The following MCC variants were observed in gnomAD, a reference collection of about 807,000 sequenced individuals.
MCC encodes colorectal mutant cancer protein.
A neutral mutation model predicts 116.2 loss-of-function variants in MCC; 90 were observed. The observed-to-expected ratio is 0.77, with a 90% confidence interval of 0.65 to 0.92. The LOEUF is 0.92. Ranked by LOEUF, MCC falls within the 40% of genes least tolerant of loss-of-function variation. The pLI is 0.00. For synonymous variants in MCC, 578 were observed against 510.5 expected (o/e 1.13, Z -1.78); for missense variants, 1,516 against 1,312.2 (o/e 1.16, Z -2.40).
At chr5:113,231,531 T>C (rs1169395911) in intron 3 of MCC, among the ~76,000 whole-genome samples, 1 of 152,182 alleles carries the variant, frequency 6.6e-6, no homozygotes, top group Non-Finnish European at 1.5e-5. Flanking sequence ...GTTTCACCCA[T>C]TAGTCATGGC....
At chr5:113,345,557 C>T (rs756539429) in intron 2 of MCC, among the ~76,000 whole-genome samples, 3 of 152,218 alleles carry the variant, frequency 2.0e-5, no homozygotes, top group Non-Finnish European at 2.9e-5. Flanking sequence ...CTATGTGTCT[C>T]AGCACAGGGA....
chr5:113,465,088 A>C (rs543947713), intron 1 of MCC, among the ~76,000 whole-genome samples: 1 of 152,008 alleles, frequency 6.6e-6, no homozygotes, highest in Non-Finnish European at 1.5e-5. Flanking sequence ...GCCTGAAAAT[A>C]GCCAAGATTT....
chr5:113,276,075 C>T (rs1765814469), intron 3 of MCC, among the ~76,000 whole-genome samples: 1 of 151,462 alleles, frequency 6.6e-6, no homozygotes, highest in East Asian at 1.9e-4. Context: ...GCCACAGTGG[C>T]CACATTGATT....
At chr5:113,451,139 G>A (rs1319159392) in intron 1 of MCC, among the ~76,000 whole-genome samples, 2 of 152,008 alleles carry the variant, frequency 1.3e-5, no homozygotes, top group Non-Finnish European at 2.9e-5. Flanking sequence ...CATAGCTGGT[G>A]GCATACCGCC....
At chr5:113,438,303 AC>A (rs1770921638) in intron 1 of MCC, among the ~76,000 whole-genome samples, 1 of 152,152 alleles carries the variant, frequency 6.6e-6, no homozygotes, top group Admixed American at 6.5e-5. Context: ...CATCTGCCGT[AC>A]GGTGAGTTGT....
chr5:113,294,117 G>A (rs551880297), intron 3 of MCC, among the ~76,000 whole-genome samples: 37 of 152,260 alleles, frequency 2.4e-4, no homozygotes, highest in African/African-American at 7.7e-4. Flanking sequence ...ACTCATTTCA[G>A]ACTGAAATAT....
chr5:113,215,589 G>A (rs950611821), intron 3 of MCC, among the ~76,000 whole-genome samples: 1 of 152,114 alleles, frequency 6.6e-6, no homozygotes, highest in Non-Finnish European at 1.5e-5. Context: ...CGGTTCGGCT[G>A]ACTTGCCCTT....
chr5:113,151,007 G>A (rs538596106), intron 4 of MCC, among the ~76,000 whole-genome samples: 112 of 152,290 alleles, frequency 7.4e-4, no homozygotes, highest in Non-Finnish European at 3.4e-4. Flanking sequence ...TCGTGCCACC[G>A]CACTCCAGCT....
intron 3 of MCC, among the ~76,000 whole-genome samples, chr5:113,332,720 G>A (rs1336866415): frequency 1.3e-5 from 2 of 151,510 alleles, no homozygotes; most frequent in Non-Finnish European, 2.9e-5. Context: ...TTCCATGCTG[G>A]GCAAAAGTAG....
At chr5:113,366,903 G>A (rs927184112) in intron 2 of MCC, among the ~76,000 whole-genome samples, 1 of 152,276 alleles carries the variant, frequency 6.6e-6, no homozygotes, top group East Asian at 1.9e-4. Flanking sequence ...CTGGGCTCAA[G>A]TGATCCTACC....
intron 3 of MCC, among the ~76,000 whole-genome samples, chr5:113,160,808 C>T (rs896538939): frequency 6.6e-6 from 1 of 152,170 alleles, no homozygotes; most frequent in African/African-American, 2.4e-5. Flanking sequence ...GTATCAGACC[C>T]AGGAAGGAAT....
At chr5:113,031,255 T>C (rs1331007346) in intron 17 of MCC, among the ~76,000 whole-genome samples, 2 of 152,174 alleles carry the variant, frequency 1.3e-5, no homozygotes, top group Non-Finnish European at 2.9e-5. Flanking sequence ...CCTACCCGCC[T>C]CTGCTAAGCT....
intron 3 of MCC, among the ~76,000 whole-genome samples, chr5:113,338,148 G>T (rs1767915421): frequency 6.6e-6 from 1 of 152,180 alleles, no homozygotes; most frequent in African/African-American, 2.4e-5. Flanking sequence ...TTTCCATTTG[G>T]TGAGGAAATA....
chr5:113,083,813 C>T (rs1755024229), intron 10 of MCC, among the ~76,000 whole-genome samples: 1 of 152,098 alleles, frequency 6.6e-6, no homozygotes, highest in Admixed American at 6.6e-5. Flanking sequence ...ACAGATACTT[C>T]AAGACTTTCA....
Position 113,340,501 on chromosome 5 carries a change from G to T in MCC, c.627+18C>A. 6.2e-7 allele frequency: 1 copy of T among 1,609,514 alleles called. No individual in the cohort carries two copies. Among genetic ancestry groups the T allele is most frequent in the Non-Finnish European group, 8.5e-7 (1 of 1,176,010 alleles). ...AGACAGGCCGAAATATGTATTCCAT[G>T]AACCAAAAAGTACTCACTGTGTTGG... On this transcript the variant is annotated intron_variant, in intron 3 of 18. Transcript: ENST00000408903.
At chr5:113,039,463 G>A (rs545782032) in intron 17 of MCC, among the ~76,000 whole-genome samples, 36 of 152,232 alleles carry the variant, frequency 2.4e-4, no homozygotes, top group Admixed American at 1.5e-3. Context: ...TTTGCCTTTC[G>A]CACTGACAGA....
At chr5:113,151,538 T>C in intron 3 of MCC, 116 bp from the exon 4 acceptor site, 1 of 635,542 alleles carries the variant, frequency 1.6e-6, no homozygotes, top group Middle Eastern at 2.9e-4. Flanking sequence ...AGCAACACTT[T>C]TGAGAATGAA....
chr5:113,301,583 G>A (rs925340432), intron 3 of MCC, among the ~76,000 whole-genome samples: 3 of 152,166 alleles, frequency 2.0e-5, no homozygotes, highest in African/African-American at 7.2e-5. Flanking sequence ...TTAAACAGGA[G>A]CTATGATAGG....
intron 2 of MCC, among the ~76,000 whole-genome samples, chr5:113,373,717 GT>G (rs1388304433): frequency 6.6e-6 from 1 of 152,130 alleles, no homozygotes. Context: ...AAAATGGTTA[GT>G]TTTAAAGCTG....
Sources: allele counts gnomAD v4.1 joint callset (sites outside exome capture counted in the v4.1 genomes callset), GRCh38; gene constraint gnomAD v4.1.1; transcripts MANE v1.5; gene names NCBI Gene and HGNC (gene_info 2026-07-23, HGNC 2026-07-21).